The following HIF3A variants were observed in gnomAD, a reference collection of about 807,000 sequenced individuals.
HIF3A encodes the protein hypoxia-inducible factor 3-alpha.
In HIF3A, 41 loss-of-function variants were observed where a neutral mutation model predicts 67.2. The ratio of observed to expected loss-of-function variants is 0.61; its 90% CI spans 0.48 to 0.79. HIF3A has a LOEUF of 0.79. Among genes scored for constraint, HIF3A ranks in the 30% least tolerant of loss-of-function variants. The probability of loss-of-function intolerance (pLI) is 0.00; values close to 1 mark genes in which losing one functional copy is unlikely to be tolerated. For missense variants in HIF3A, 855 were observed against 898.0 expected, an observed-to-expected ratio of 0.95 and a Z score of 0.61; for synonymous variants, 356 against 374.8, an observed-to-expected ratio of 0.95 and a Z score of 0.58.
chr19:46,324,095 C>T (rs1970585327), intron 10 of HIF3A, among the ~76,000 whole-genome samples: 1 of 152,152 alleles, frequency 6.6e-6, no homozygotes, highest in Non-Finnish European at 1.5e-5. Context: ...GTCAAAGTGT[C>T]TAATATCCTG....
chr19:46,329,269 G>A lies in HIF3A; in HGVS notation c.1503G>A (p.Gln501=). Residue 501 remains glutamine (Q), a synonymous_variant, in exon 12 of 15, where the codon CAG becomes CAA. Coordinates refer to ENST00000377670, the MANE Select transcript of HIF3A (RefSeq NM_152795.4). The part of the protein sequence containing the change: ...APYISMDDDF[Q]LNASEQLPRA... ...ACATCTCCATGGATGATGACTTCCA[G>A]CTCAACGCCAGCGAGCAGCTACCCA... 1 of 1,613,272 alleles carries A rather than the reference G, an allele frequency of 6.2e-7. No individual in the cohort carries two copies. Among genetic ancestry groups the A allele is most frequent in the Non-Finnish European group, 8.5e-7 (1 of 1,179,898 alleles).
chr19:46,313,290 T>G (rs1489948212), intron 8 of HIF3A: 1 of 979,364 alleles, frequency 1.0e-6, no homozygotes, highest in Admixed American at 6.2e-5. Context: ...GACTCTATAT[T>G]CAAGTTAAAA....
intron 14 of HIF3A, chr19:46,338,569 T>TAACA: frequency 1.8e-6 from 2 of 1,099,170 alleles, no homozygotes; most frequent in Non-Finnish European, 2.2e-6. Flanking sequence ...GTTTCCCAAG[T>TAACA]AACAACAGCT....
intron 14 of HIF3A, among the ~76,000 whole-genome samples, chr19:46,336,699 C>T (rs2147324196): frequency 6.8e-6 from 1 of 147,498 alleles, no homozygotes; most frequent in African/African-American, 2.5e-5. Context: ...TGTCTCTAAA[C>T]AAACAGTCCA....
chr19:46,336,999 T>C (rs549992969), intron 14 of HIF3A, among the ~76,000 whole-genome samples: 58 of 151,696 alleles, frequency 3.8e-4, no homozygotes, highest in South Asian at 1.0e-3. Flanking sequence ...AAAATATAAA[T>C]ATAAATATAA....
At chr19:46,329,012 C>A in intron 11 of HIF3A, 195 bp from the exon 12 acceptor site, 2 of 484,974 alleles carry the variant, frequency 4.1e-6, no homozygotes, top group South Asian at 8.2e-5. Context: ...GTGTGAGCTA[C>A]CATGCTTCTG....
chr19:46,300,534 G>T (rs145180009), intron 1 of HIF3A, among the ~76,000 whole-genome samples: 66 of 152,288 alleles, frequency 4.3e-4, no homozygotes, highest in African/African-American at 1.5e-3. Context: ...GGTGGCAGGA[G>T]CCTGTAATCC....
At position 46,313,232 on chromosome 19, in the gene HIF3A, C is replaced by T. The variant is rs1044417907; in HGVS notation, c.1025+579C>T. ...CGTCAGTGCACTCTGGCCTCGGCAA[C>T]AGAGCGAGACTCTGTCTCAAACAAA... On this transcript the variant is annotated intron_variant, in intron 8 of 14. Transcript: ENST00000377670. 5.6e-6 allele frequency: 5 copies of T among 887,632 alleles called. No individual in the cohort carries two copies. The African/African-American group carries it at 5.9e-5, about 11-fold the overall frequency. 55.0% of individuals were successfully genotyped at this position (887,632 alleles called of 1,614,324 possible). A position where few individuals can be genotyped will look rare whatever the true frequency, so the allele number is the denominator to read the frequency against.
intron 11 of HIF3A, among the ~76,000 whole-genome samples, chr19:46,326,606 C>G (rs559872104): frequency 5.3e-5 from 8 of 152,118 alleles, no homozygotes; most frequent in Non-Finnish European, 7.4e-5. Context: ...AGCTTGAAGT[C>G]CAGAATCTGA....
intron 8 of HIF3A, among the ~76,000 whole-genome samples, chr19:46,319,654 AT>A (rs1366709557): frequency 6.6e-6 from 1 of 152,176 alleles, no homozygotes; most frequent in Non-Finnish European, 1.5e-5. Flanking sequence ...TTAAAAATAT[AT>A]TTTTTCATCA....
rs752674075 is a variant in HIF3A, at chr19:46,315,885, G to T, written c.1025+3232G>T. On this transcript the variant is annotated intron_variant, in intron 8 of 14. Transcript: ENST00000377670. ...GCTGAGATCACACCGCTGCACTCTA[G>T]CCTGGGTGACAGAGTGAGATTCTGT... 2.0e-5 allele frequency among the ~76,000 whole-genome samples: 3 copies of T among 151,912 alleles called. No individual in the cohort carries two copies. The South Asian group carries it at 6.2e-4, about 31-fold the overall frequency.
At chr19:46,302,414 G>C (rs1021988178) in intron 1 of HIF3A, among the ~76,000 whole-genome samples, 2 of 151,860 alleles carry the variant, frequency 1.3e-5, no homozygotes, top group African/African-American at 4.8e-5. Flanking sequence ...ACAGGCGTGA[G>C]CCACTGCGCC....
chr19:46,321,729 C>T (rs1192713405), intron 9 of HIF3A, 47 bp from the exon 10 acceptor site: 2 of 1,556,646 alleles, frequency 1.3e-6, no homozygotes, highest in East Asian at 2.2e-5. Flanking sequence ...TGGCCCTTGG[C>T]CCTCAGTCAC....
At chr19:46,304,955 T>C in intron 2 of HIF3A, 1 of 478,078 alleles carries the variant, frequency 2.1e-6, no homozygotes, top group South Asian at 2.0e-5. Context: ...CCACTTAGAA[T>C]TCTGTCCTCC....
In HIF3A at chr19:46,308,782, G is replaced by A; in HGVS notation, c.561+7G>A. Reference sequence around the variant, plus strand: ...CAAGGCGGCCACCTGGAAGGTGCGTGGGGCCGGGCCAGAGGAGGGCGGGGA... The same window carrying A: ...CAAGGCGGCCACCTGGAAGGTGCGTAGGGCCGGGCCAGAGGAGGGCGGGGA... On this transcript the variant is annotated splice_region_variant and intron_variant, in intron 5 of 14. Coordinates refer to ENST00000377670, the MANE Select transcript of HIF3A (RefSeq NM_152795.4). 6.3e-7 allele frequency: 1 copy of A among 1,575,560 alleles called. No homozygotes were observed. Among genetic ancestry groups the A allele is most frequent in the South Asian group, 1.1e-5 (1 of 87,768 alleles).
intron 8 of HIF3A, among the ~76,000 whole-genome samples, chr19:46,317,893 C>T (rs944337848): frequency 2.6e-5 from 4 of 151,820 alleles, no homozygotes; most frequent in Non-Finnish European, 4.4e-5. Context: ...GACTGGAGTG[C>T]GGTGGCACAA....
Position 46,309,145 on chromosome 19 carries a change from C to G in HIF3A, c.562-6C>G. On this transcript the variant is annotated splice_region_variant and splice_polypyrimidine_tract_variant and intron_variant, in intron 5 of 14. Coordinates refer to ENST00000377670, the MANE Select transcript of HIF3A (RefSeq NM_152795.4). ...CACTGCCTTGTCCCCTCATCTCGGC[C>G]CCCAGGTGCTGAACTGCTCTGGACA... 3 of 1,609,720 alleles carry G rather than the reference C, an allele frequency of 1.9e-6. No homozygotes were observed. Among genetic ancestry groups the G allele is most frequent in the Non-Finnish European group, 2.5e-6 (3 of 1,176,994 alleles).
intron 11 of HIF3A, among the ~76,000 whole-genome samples, chr19:46,327,033 T>C (rs945620088): frequency 6.6e-6 from 1 of 152,102 alleles, no homozygotes; most frequent in African/African-American, 2.4e-5. Flanking sequence ...CACATGCCTG[T>C]AATCCCAGCT....
chr19:46,335,947 G>A (rs774469736), intron 14 of HIF3A, among the ~76,000 whole-genome samples: 4 of 151,870 alleles, frequency 2.6e-5, no homozygotes, highest in Non-Finnish European at 5.9e-5. Context: ...AGGCTGAGAC[G>A]GGAGGATTGC....
Sources: gnomAD v4.1 joint callset for allele counts (sites outside exome capture counted in the v4.1 genomes callset) on GRCh38, gnomAD v4.1.1 for gene constraint, MANE v1.5 for transcripts, NCBI Gene and HGNC (gene_info 2026-07-23, HGNC 2026-07-21) for gene names.